MTR: variants seen among roughly 807,000 people sequenced by gnomAD.
MTR encodes 5-methyltetrahydrofolate-homocysteine methyltransferase.
Under a neutral mutation model 154.8 loss-of-function variants are expected in MTR, and 84 were observed. That is an observed-to-expected ratio of 0.54 (90% CI 0.45 to 0.65). The LOEUF is 0.65. MTR is among the 30% of genes least tolerant of loss of function. The pLI is 0.00. For synonymous variants in MTR, 554 were observed against 553.9 expected, an observed-to-expected ratio of 1.00 and a Z score of 0.00; for missense variants, 1,275 against 1,570.2, an observed-to-expected ratio of 0.81 and a Z score of 3.18.
intron 1 of MTR, chr1:236,800,506 A>G (rs1660645104): frequency 1.0e-6 from 1 of 978,410 alleles, no homozygotes; most frequent in Admixed American, 6.2e-5. Flanking sequence ...TAGTCTTCTC[A>G]TTCCTCCTGT....
chr1:236,830,137 G>A (rs1246692825), intron 12 of MTR, among the ~76,000 whole-genome samples: 2 of 152,024 alleles, frequency 1.3e-5, no homozygotes, highest in Non-Finnish European at 2.9e-5. Context: ...CAATCAGTGA[G>A]TGTGAAGTTG....
Position 236,862,236 on chromosome 1 carries a change from G to A in MTR, c.2197G>A (p.Val733Ile). ...FGAGKMFLPQ[V>I]IKSARVMKKA... ...ACCTGATCTATGCTTTTTTTCTCAGGTTATAAAGTCAGCCCGGGTTATGAA... is the reference window on the plus strand; with the variant it reads ...ACCTGATCTATGCTTTTTTTCTCAGATTATAAAGTCAGCCCGGGTTATGAA... The change falls in exon 21 of 33, where the codon GTT becomes ATT. Residue 733 changes from valine (V) to isoleucine (I), a missense_variant and splice_region_variant. By Grantham distance (29) the Val-to-Ile change is conservative. Coordinates refer to ENST00000366577, the MANE Select transcript of MTR (RefSeq NM_000254.3). 6.2e-7 allele frequency: 1 copy of A among 1,612,666 alleles called. No individual in the cohort carries two copies. The highest frequency in any genetic ancestry group is 8.5e-7 in the Non-Finnish European group (1 of 1,178,756).
chr1:236,880,964 C>T, intron 25 of MTR, 128 bp downstream of exon 25: 4 of 942,304 alleles, frequency 4.2e-6, no homozygotes, highest in Non-Finnish European at 6.8e-6. Flanking sequence ...CAGCCTGAGG[C>T]TCATGGTGTG....
In MTR at chr1:236,810,504, A is replaced by G. The variant is rs200061690; in HGVS notation, c.411A>G (p.Gly137=). ...KAAEEVTLQT[G]IKRFVAGALG... Reference sequence around the variant, plus strand: ...ACACTTGTTTTTCTTTTCCCAAAGGAATTAAGAGGTTTGTGGCAGGGGCTC... The same window carrying G: ...ACACTTGTTTTTCTTTTCCCAAAGGGATTAAGAGGTTTGTGGCAGGGGCTC... Residue 137 remains glycine (G), a splice_region_variant and synonymous_variant, in exon 5 of 33, where the codon GGA becomes GGG. Transcript: ENST00000366577. 6.2e-7 allele frequency: 1 copy of G among 1,613,450 alleles called. No individual in the cohort carries two copies. The highest frequency in any genetic ancestry group is 8.5e-7 in the Non-Finnish European group (1 of 1,179,452).
intron 4 of MTR, 97 bp from the exon 5 acceptor site, chr1:236,810,406 G>T: frequency 1.0e-6 from 1 of 980,844 alleles, no homozygotes; most frequent in South Asian, 1.3e-5. Flanking sequence ...AAAGATTATA[G>T]ACCTGTGTTC....
intron 7 of MTR, 23 bp downstream of exon 7, chr1:236,815,686 A>G (rs1469322423): frequency 6.7e-6 from 10 of 1,501,488 alleles, no homozygotes; most frequent in Non-Finnish European, 8.9e-6. Flanking sequence ...GTGTTTGCAC[A>G]ATACATTCTT....
intron 27 of MTR, 104 bp from the exon 28 acceptor site, chr1:236,889,077 G>A (rs1666175670): frequency 7.3e-7 from 1 of 1,374,516 alleles, no homozygotes; most frequent in African/African-American, 1.4e-5. Context: ...TGACAGGAGG[G>A]AGGCGGAGTG....
In MTR at chr1:236,897,547, A is replaced by G; in HGVS notation, c.3712-11A>G. 6.2e-7 allele frequency: 1 copy of G among 1,612,454 alleles called. No individual in the cohort carries two copies. Among genetic ancestry groups the G allele is most frequent in the Non-Finnish European group, 8.5e-7 (1 of 1,178,632 alleles). Reference sequence around the variant, plus strand: ...ATGTTGGTTTAATAAAATGCTTCTCATCTTTTGCAGGTTGAGGATTATGCA... The same window carrying G: ...ATGTTGGTTTAATAAAATGCTTCTCGTCTTTTGCAGGTTGAGGATTATGCA... On this transcript the variant is annotated splice_polypyrimidine_tract_variant and intron_variant, in intron 32 of 32. Transcript: ENST00000366577.
chr1:236,854,913 T>C (rs1480428952), intron 18 of MTR, among the ~76,000 whole-genome samples: 1 of 152,232 alleles, frequency 6.6e-6, no homozygotes, highest in East Asian at 1.9e-4. Flanking sequence ...TGCAGGAGTT[T>C]AACAATTCAT....
intron 8 of MTR, among the ~76,000 whole-genome samples, chr1:236,823,406 A>T (rs1572215092): frequency 6.6e-6 from 1 of 152,188 alleles, no homozygotes; most frequent in South Asian, 2.1e-4. Context: ...CAGTTTTCAG[A>T]TTAGGGATAT....
At chr1:236,879,638 C>T (rs1665617548) in intron 24 of MTR, among the ~76,000 whole-genome samples, 1 of 152,164 alleles carries the variant, frequency 6.6e-6, no homozygotes, top group South Asian at 2.1e-4. Flanking sequence ...GTAAGGGAGG[C>T]TGTACATGTT....
At chr1:236,852,837 C>T in intron 17 of MTR, 111 bp from the exon 18 acceptor site, 1 of 1,326,566 alleles carries the variant, frequency 7.5e-7, no homozygotes, top group East Asian at 2.3e-5. Context: ...GTAGCTGTGA[C>T]AGAGGCTATG....
intron 8 of MTR, among the ~76,000 whole-genome samples, chr1:236,823,354 C>A (rs770051285): frequency 6.6e-6 from 1 of 152,096 alleles, no homozygotes; most frequent in African/African-American, 2.4e-5. Context: ...TGGGTCATGT[C>A]AGTTCTCAAA....
At chr1:236,873,578 T>C (rs889125086) in intron 22 of MTR, among the ~76,000 whole-genome samples, 195 bp from the exon 23 acceptor site, 2 of 152,266 alleles carry the variant, frequency 1.3e-5, no homozygotes, top group African/African-American at 4.8e-5. Flanking sequence ...AAGCTTAGCA[T>C]AGTGCCTGGC....
In MTR at chr1:236,795,366, C is replaced by A. The variant is rs1255701710; in HGVS notation, c.-338C>A. ...CGGATGTCACGTCGTCCTCCTCTGC[C>A]GGTTTTCTCTTGGGTCCTTTTCCGT... On this transcript the variant is annotated 5_prime_UTR_variant, in exon 1 of 33. Coordinates refer to ENST00000366577, the MANE Select transcript of MTR (RefSeq NM_000254.3). The A allele has an allele frequency of 9.5e-6, 13 of 1,368,282 alleles. No homozygotes were observed. Among genetic ancestry groups the A allele is most frequent in the Non-Finnish European group, 1.1e-5 (11 of 1,040,178 alleles). The allele number at this position is 1,368,282 out of a possible 1,614,324, so 84.8% of individuals were successfully genotyped here.
chr1:236,844,016 G>A (rs146930426), intron 15 of MTR, among the ~76,000 whole-genome samples: 28 of 152,268 alleles, frequency 1.8e-4, no homozygotes, highest in African/African-American at 6.7e-4. Context: ...GCTCACCAAA[G>A]GAATGACTGT....
intron 29 of MTR, among the ~76,000 whole-genome samples, chr1:236,892,161 A>G (rs1190566982): frequency 6.6e-6 from 1 of 152,168 alleles, no homozygotes; most frequent in Non-Finnish European, 1.5e-5. Flanking sequence ...TTTTACTGCC[A>G]TTTTCAGTCG....
intron 24 of MTR, 70 bp from the exon 25 acceptor site, chr1:236,880,685 C>A (rs898311499): frequency 2.5e-6 from 3 of 1,207,758 alleles, no homozygotes; most frequent in Non-Finnish European, 2.5e-6. Flanking sequence ...TCTCTAATGG[C>A]GCTGAACAAG....
At chr1:236,850,666 A>T in intron 16 of MTR, 143 bp downstream of exon 16, 1 of 824,410 alleles carries the variant, frequency 1.2e-6, no homozygotes, top group Admixed American at 2.4e-5. Flanking sequence ...GAAATGTAGG[A>T]GACCTTATTT....
Sources: gnomAD v4.1 joint callset for allele counts (sites outside exome capture counted in the v4.1 genomes callset) on GRCh38, gnomAD v4.1.1 for gene constraint, MANE v1.5 for transcripts, NCBI Gene and HGNC (gene_info 2026-07-23, HGNC 2026-07-21) for gene names.